ERC1: variants seen among roughly 807,000 people sequenced by gnomAD.
The protein encoded by ERC1 is RAB6 interacting protein 2.
A neutral mutation model predicts 132.0 loss-of-function variants in ERC1; 56 were observed. That is an observed-to-expected ratio of 0.42 (90% confidence interval 0.34 to 0.53). The LOEUF (loss-of-function observed/expected upper bound fraction) is 0.53. ERC1 is among the 20% of genes least tolerant of loss of function. ERC1 has a pLI of 0.03. For synonymous variants in ERC1, 478 were observed against 476.1 expected (o/e 1.00, Z -0.05); for missense variants, 1,202 against 1,349.9 (o/e 0.89, Z 1.72).
At chr12:1,335,882 TTTGGTTGGTTGG>T (rs140091838) in intron 15 of ERC1, among the ~76,000 whole-genome samples, 27 of 151,934 alleles carry the variant, frequency 1.8e-4, no homozygotes, top group Admixed American at 9.8e-4. Flanking sequence ...TGTTTATTTA[TTTGGTTGGTTGG>T]TTGGTTGGTT....
chr12:993,461 T>A (rs532164107), intron 1 of ERC1, among the ~76,000 whole-genome samples: 3 of 152,382 alleles, frequency 2.0e-5, no homozygotes, highest in African/African-American at 7.2e-5. Context: ...AAATTATGCC[T>A]ACATTTTATT....
chr12:1,275,881 C>T (rs2078226839), intron 14 of ERC1, among the ~76,000 whole-genome samples: 1 of 152,184 alleles, frequency 6.6e-6, no homozygotes, highest in Admixed American at 6.5e-5. Context: ...ACCTTTTATT[C>T]TTAATACAAA....
At chr12:1,330,407 C>A (rs1441716281) in intron 15 of ERC1, among the ~76,000 whole-genome samples, 1 of 152,108 alleles carries the variant, frequency 6.6e-6, no homozygotes, top group Non-Finnish European at 1.5e-5. Flanking sequence ...ACTTAAATTG[C>A]TGCCTGTTTT....
At chr12:1,409,347 T>G (rs187139918) in intron 17 of ERC1, among the ~76,000 whole-genome samples, 2 of 152,310 alleles carry the variant, frequency 1.3e-5, no homozygotes, top group African/African-American at 4.8e-5. Context: ...GAACTGAATT[T>G]ATGCCAGGGT....
intron 16 of ERC1, chr12:1,386,967 CAG>C (rs2089446116): frequency 6.6e-6 from 1 of 151,932 alleles, no homozygotes; most frequent in Admixed American, 6.6e-5. Flanking sequence ...AGCCTTGAGT[CAG>C]AGGATTGTTC....
chr12:1,276,505 C>T (rs914328492), intron 14 of ERC1, among the ~76,000 whole-genome samples: 1 of 152,050 alleles, frequency 6.6e-6, no homozygotes, highest in African/African-American at 2.4e-5. Flanking sequence ...CTCCCAAATG[C>T]TGGGATTACT....
intron 12 of ERC1, among the ~76,000 whole-genome samples, chr12:1,220,302 A>G (rs1030677495): frequency 2.6e-5 from 4 of 152,106 alleles, no homozygotes; most frequent in Admixed American, 1.3e-4. Flanking sequence ...AATAAGTTCA[A>G]TATGTTTGTT....
At chr12:1,396,626 T>C (rs1459968800) in intron 16 of ERC1, among the ~76,000 whole-genome samples, 1 of 152,124 alleles carries the variant, frequency 6.6e-6, no homozygotes, top group Non-Finnish European at 1.5e-5. Context: ...CTCTAAAAAT[T>C]TGTCATGTGT....
intron 8 of ERC1, among the ~76,000 whole-genome samples, chr12:1,177,786 G>A (rs1183378468): frequency 1.3e-5 from 2 of 152,194 alleles, no homozygotes; most frequent in East Asian, 1.9e-4. Flanking sequence ...CTTGCTCGAC[G>A]CAGGGTTCCC....
intron 2 of ERC1, among the ~76,000 whole-genome samples, chr12:1,066,884 T>C (rs767871460): frequency 2.0e-5 from 3 of 151,638 alleles, no homozygotes; most frequent in South Asian, 2.1e-4. Flanking sequence ...TACGAACTTA[T>C]GTTTATTTGA....
intron 2 of ERC1, among the ~76,000 whole-genome samples, chr12:1,037,460 C>T (rs554941540): frequency 1.3e-5 from 2 of 152,026 alleles, no homozygotes; most frequent in Non-Finnish European, 2.9e-5. Flanking sequence ...CATTTAAAAC[C>T]GTACCACCCT....
intron 17 of ERC1, among the ~76,000 whole-genome samples, chr12:1,442,582 A>G (rs1216947669): frequency 1.3e-5 from 2 of 152,226 alleles, no homozygotes; most frequent in East Asian, 1.9e-4. Context: ...TCTGTGTAAT[A>G]TACTGTATAG....
intron 15 of ERC1, among the ~76,000 whole-genome samples, chr12:1,370,674 T>G (rs2087118355): frequency 6.6e-6 from 1 of 152,232 alleles, no homozygotes; most frequent in Non-Finnish European, 1.5e-5. Context: ...AAATATAAAA[T>G]GAAATACTAA....
intron 15 of ERC1, among the ~76,000 whole-genome samples, chr12:1,303,729 G>T (rs2080602618): frequency 6.6e-6 from 1 of 151,900 alleles, no homozygotes; most frequent in Non-Finnish European, 1.5e-5. Context: ...GCCAAGGCGG[G>T]GCATCACCTG....
At chr12:1,173,599 A>G (rs1453630676) in intron 8 of ERC1, among the ~76,000 whole-genome samples, 1 of 152,138 alleles carries the variant, frequency 6.6e-6, no homozygotes, top group Non-Finnish European at 1.5e-5. Context: ...TTCAGATCCT[A>G]TGGGTACTTG....
At chr12:1,430,283 T>C (rs2092755217) in intron 17 of ERC1, 1 of 152,214 alleles carries the variant, frequency 6.6e-6, no homozygotes, top group Non-Finnish European at 1.5e-5. Flanking sequence ...CCACATTCTG[T>C]TCCTTAGAAG....
intron 15 of ERC1, among the ~76,000 whole-genome samples, chr12:1,297,712 CAAA>C (rs535814870): frequency 4.6e-5 from 3 of 65,922 alleles, no homozygotes; most frequent in African/African-American, 5.0e-5. Flanking sequence ...GTCCCCCTGC[CAAA>C]AAAAAAAAAA....
At chr12:1,290,086 G>A in intron 15 of ERC1, 74 bp downstream of exon 15, 1 of 1,346,878 alleles carries the variant, frequency 7.4e-7, no homozygotes, top group Non-Finnish European at 1.0e-6. Flanking sequence ...TCATCTTCTG[G>A]CTCTGTGTTT....
chr12:1,295,605 G>T (rs1401146330), intron 15 of ERC1, among the ~76,000 whole-genome samples: 1 of 151,938 alleles, frequency 6.6e-6, no homozygotes, highest in Non-Finnish European at 1.5e-5. Context: ...ACAAAAGATA[G>T]GTTTGAGGAA....
Sources: gnomAD v4.1 joint callset for allele counts (sites outside exome capture counted in the v4.1 genomes callset) on GRCh38, gnomAD v4.1.1 for gene constraint, MANE v1.5 for transcripts, NCBI Gene and HGNC (gene_info 2026-07-23, HGNC 2026-07-21) for gene names.